GABPB1: variants seen among roughly 807,000 people sequenced by gnomAD.
The protein encoded by GABPB1 is GA-binding protein subunit beta-1.
Under a neutral mutation model 45.9 loss-of-function variants are expected in GABPB1, and 15 were observed. The observed-to-expected ratio is 0.33, with a 90% CI of 0.22 to 0.50. The LOEUF (loss-of-function observed/expected upper bound fraction) is 0.50, where lower values mean the gene tolerates loss of function less well. GABPB1 is among the 20% of genes least tolerant of loss of function. GABPB1 has a pLI of 0.98. For synonymous variants in GABPB1, 143 were observed against 154.4 expected, an observed-to-expected ratio of 0.93 and a Z score of 0.55; for missense variants, 252 against 457.5, an observed-to-expected ratio of 0.55 and a Z score of 4.10.
At chr15:50,304,358 T>C (rs984145566) in intron 2 of GABPB1, among the ~76,000 whole-genome samples, 1 of 152,230 alleles carries the variant, frequency 6.6e-6, no homozygotes, top group African/African-American at 2.4e-5. Flanking sequence ...ATTCAAACTT[T>C]CTTTCTTCAT....
At chr15:50,354,687 G>A (rs775847453) in intron 1 of GABPB1, 1 of 409,758 alleles carries the variant, frequency 2.4e-6, no homozygotes, top group Middle Eastern at 4.3e-4. Context: ...CCGCGAGGCG[G>A]CCGCGGCATG....
chr15:50,286,270 C>T (rs2046149926), intron 7 of GABPB1, 87 bp from the exon 8 acceptor site: 1 of 857,086 alleles, frequency 1.2e-6, no homozygotes, highest in Admixed American at 3.7e-5. Context: ...TGATGCTACT[C>T]ATCTAAAATA....
In GABPB1 at chr15:50,285,380, T is replaced by C. The variant is rs549278563; in HGVS notation, c.999+688A>G. Among the ~76,000 whole-genome samples, 6 of 152,300 alleles carry C rather than the reference T, an allele frequency of 3.9e-5. No homozygotes were observed. The East Asian group carries it at 1.2e-3, about 29-fold the overall frequency. Reference sequence around the variant, plus strand: ...TTCATTTGATTTCAAGTTCAGTGGCTGCAGTTGTTCTTTCAAAGTTATTCA... The same window carrying C: ...TTCATTTGATTTCAAGTTCAGTGGCCGCAGTTGTTCTTTCAAAGTTATTCA... On this transcript the variant is annotated intron_variant, in intron 8 of 8. Coordinates refer to ENST00000380877, the MANE Select transcript of GABPB1 (RefSeq NM_016654.5).
chr15:50,310,345 G>GCA (rs1381117820), intron 1 of GABPB1, among the ~76,000 whole-genome samples: 1 of 152,082 alleles, frequency 6.6e-6, no homozygotes, highest in East Asian at 1.9e-4. Context: ...TGCCCGCCTT[G>GCA]GCCTCCCAAA....
chr15:50,301,327 A>C lies in GABPB1; in HGVS notation c.513T>G (p.Pro171=), dbSNP rs760254580. The C allele has an allele frequency of 6.2e-7, 1 of 1,614,100 alleles. No individual in the cohort carries two copies. Among genetic ancestry groups the C allele is most frequent in the Non-Finnish European group, 8.5e-7 (1 of 1,179,972 alleles). Residue 171 remains proline (P), a synonymous_variant, in exon 5 of 9, where the codon CCT becomes CCG. Transcript: ENST00000380877. ...TTGCAGCATGTATTGTCACAGTGTC[A>C]GGACTCTCTGGGTTTGTGTTGATTT... ...QNQINTNPES[P]DTVTIHAATP...
chr15:50,278,249 T>C lies in GABPB1; in HGVS notation c.*383A>G, dbSNP rs1197731336. ...TTCCAGCATCAGTCCACCATAATTATTACACAACATTTGGCCTAACCAACA... is the reference window on the plus strand; with the variant it reads ...TTCCAGCATCAGTCCACCATAATTACTACACAACATTTGGCCTAACCAACA... On this transcript the variant is annotated 3_prime_UTR_variant, in exon 9 of 9. Transcript: ENST00000380877. The C allele has an allele frequency of 6.5e-6, 1 of 154,940 alleles. No homozygotes were observed. Among genetic ancestry groups the C allele is most frequent in the Non-Finnish European group, 1.4e-5 (1 of 69,742 alleles). 9.6% of individuals were successfully genotyped at this position (154,940 alleles called of 1,614,324 possible).
intron 1 of GABPB1, among the ~76,000 whole-genome samples, chr15:50,322,463 T>C (rs1254742887): frequency 2.0e-5 from 3 of 151,572 alleles, no homozygotes; most frequent in Non-Finnish European, 4.4e-5. Context: ...GGAGAATCAC[T>C]TGAATCAAGG....
chr15:50,352,552 T>C (rs1036369702), intron 1 of GABPB1: 9 of 152,148 alleles, frequency 5.9e-5, no homozygotes, highest in African/African-American at 2.2e-4. Context: ...GCCAGGCTGG[T>C]CTCAAACTCT....
At chr15:50,287,948 C>T (rs1397507794) in intron 7 of GABPB1, among the ~76,000 whole-genome samples, 1 of 152,192 alleles carries the variant, frequency 6.6e-6, no homozygotes, top group Non-Finnish European at 1.5e-5. Flanking sequence ...GCCATGCCTC[C>T]TCTGTCACTC....
chr15:50,350,012 C>T (rs948627102), intron 1 of GABPB1: 7 of 152,074 alleles, frequency 4.6e-5, no homozygotes, highest in Admixed American at 2.6e-4. Flanking sequence ...TTTTTTCTCA[C>T]TTACATATAC....
intron 1 of GABPB1, among the ~76,000 whole-genome samples, chr15:50,342,260 C>T (rs1034562897): frequency 5.3e-5 from 8 of 152,042 alleles, no homozygotes; most frequent in African/African-American, 1.9e-4. Context: ...CATCACATTA[C>T]AAATGATTTA....
chr15:50,329,363 T>C (rs1411727603), intron 1 of GABPB1, among the ~76,000 whole-genome samples: 1 of 152,166 alleles, frequency 6.6e-6, no homozygotes, highest in Non-Finnish European at 1.5e-5. Flanking sequence ...AAATTATAGG[T>C]TTTGTGCTTA....
intron 1 of GABPB1, among the ~76,000 whole-genome samples, chr15:50,342,108 C>A (rs1458644223): frequency 6.6e-6 from 1 of 152,190 alleles, no homozygotes; most frequent in Non-Finnish European, 1.5e-5. Flanking sequence ...CCCGAACTTA[C>A]CTAAGTAGTC....
intron 6 of GABPB1, among the ~76,000 whole-genome samples, chr15:50,293,132 A>G (rs922269565): frequency 8.8e-6 from 1 of 114,038 alleles, no homozygotes; most frequent in African/African-American, 2.8e-5. Flanking sequence ...ATTAAATAAA[A>G]CCACTCTCTA....
At position 50,301,290 on chromosome 15, in the gene GABPB1, T is replaced by C. The variant is rs1016889058; in HGVS notation, c.550A>G (p.Ile184Val). The C allele has an allele frequency of 6.2e-7, 1 of 1,614,018 alleles. No homozygotes were observed. Residue 184 changes from isoleucine (I) to valine (V), a missense_variant, in exon 5 of 9, where the codon ATC (isoleucine) becomes GTC (valine). Coordinates refer to ENST00000380877, the MANE Select transcript of GABPB1 (RefSeq NM_016654.5). ...TTCACCACCCCTCCAGGTCCAATGA[T>C]AAACTGTGGTGTTGCAGCATGTATT... ...VTIHAATPQF[I>V]IGPGGVVNLT... is the part of the protein sequence containing the mutation.
At chr15:50,289,872 C>A (rs548159867) in intron 6 of GABPB1, among the ~76,000 whole-genome samples, 1 of 151,824 alleles carries the variant, frequency 6.6e-6, no homozygotes, top group Admixed American at 6.6e-5. Flanking sequence ...CCTGCACTCA[C>A]GTAATCCTCT....
At chr15:50,280,073 C>A (rs1567468831) in intron 8 of GABPB1, among the ~76,000 whole-genome samples, 1 of 152,096 alleles carries the variant, frequency 6.6e-6, no homozygotes, top group East Asian at 1.9e-4. Context: ...TCCAACATTT[C>A]TTTTTCTCAT....
chr15:50,345,162 C>G (rs537954441), intron 1 of GABPB1, among the ~76,000 whole-genome samples: 10 of 152,170 alleles, frequency 6.6e-5, no homozygotes, highest in Middle Eastern at 3.4e-3. Context: ...AAGGGAAAAC[C>G]AGGATGGCAA....
At chr15:50,307,801 G>A (rs1485785855) in intron 2 of GABPB1, among the ~76,000 whole-genome samples, 2 of 151,748 alleles carry the variant, frequency 1.3e-5, no homozygotes, top group African/African-American at 4.8e-5. Flanking sequence ...CTGGAGATTT[G>A]TTAGGCTACT....
Sources: allele counts gnomAD v4.1 joint callset (sites outside exome capture counted in the v4.1 genomes callset), GRCh38; gene constraint gnomAD v4.1.1; transcripts MANE v1.5; gene names NCBI Gene and HGNC (gene_info 2026-07-23, HGNC 2026-07-21).